MYL4: variants seen among roughly 807,000 people sequenced by gnomAD.
MYL4 encodes the protein atrial myosin light chain 1.
MYL4 carries 16 observed loss-of-function variants against 21.6 expected under a neutral mutation model. That is an observed-to-expected ratio of 0.74 (90% CI 0.50 to 1.12). The LOEUF is 1.12. Ranked by LOEUF, MYL4 falls within the 50% of genes most tolerant of loss-of-function variation. The pLI is 0.00. For synonymous variants in MYL4, 82 were observed against 95.7 expected (o/e 0.86, Z 0.83); for missense variants, 249 against 252.9 (o/e 0.98, Z 0.11).
At chr17:47,193,459 A>G in the MYL4 span, among the ~76,000 whole-genome samples, 1 of 151,874 alleles carries the variant, frequency 6.6e-6, no homozygotes, top group Admixed American at 6.6e-5. Flanking sequence ...GTAGAGACGG[A>G]GTTTCGCCAT....
chr17:47,201,372 G>A (rs2064708966), intron 1 of MYL4, among the ~76,000 whole-genome samples: 2 of 151,802 alleles, frequency 1.3e-5, no homozygotes, highest in African/African-American at 4.8e-5. Context: ...CAGAGGATTG[G>A]GTTAATCATT....
chr17:47,202,711 TTAA>T (rs2064714167), intron 1 of MYL4, among the ~76,000 whole-genome samples: 1 of 150,876 alleles, frequency 6.6e-6, no homozygotes, highest in Non-Finnish European at 1.5e-5. Flanking sequence ...TCTAAATTTA[TTAA>T]TATCAACAAA....
chr17:47,198,083 A>G (rs188043123), upstream of MYL4, among the ~76,000 whole-genome samples: 70 of 152,318 alleles, frequency 4.6e-4, no homozygotes, highest in African/African-American at 1.6e-3. Context: ...GCTGAGGATT[A>G]TGTGCATTGG....
chr17:47,222,030 T>G (rs1020637506), intron 4 of MYL4, among the ~76,000 whole-genome samples, 175 bp downstream of exon 4: 2 of 152,012 alleles, frequency 1.3e-5, no homozygotes, highest in Non-Finnish European at 2.9e-5. Context: ...CCATTCCCAG[T>G]TGGGTTTGCT....
At chr17:47,221,938 G>A in intron 4 of MYL4, 83 bp downstream of exon 4, 1 of 1,469,304 alleles carries the variant, frequency 6.8e-7, no homozygotes, top group Non-Finnish European at 9.2e-7. Context: ...CTGGTTGGGT[G>A]GGGGGTGGTA....
intron 1 of MYL4, among the ~76,000 whole-genome samples, chr17:47,203,229 G>A (rs2064715745): frequency 6.6e-6 from 1 of 152,090 alleles, no homozygotes; most frequent in African/African-American, 2.4e-5. Context: ...GGGAATACTG[G>A]GCTAAAACAT....
the MYL4 span, among the ~76,000 whole-genome samples, chr17:47,191,918 C>G: frequency 6.6e-6 from 1 of 152,172 alleles, no homozygotes; most frequent in African/African-American, 2.4e-5. Context: ...AAATATAGGA[C>G]CTTACCACAG....
the MYL4 span, among the ~76,000 whole-genome samples, chr17:47,191,686 G>A: frequency 3.3e-5 from 5 of 152,128 alleles, no homozygotes; most frequent in African/African-American, 9.7e-5. Flanking sequence ...GGCCAGGCTG[G>A]TCTCAAACTC....
At chr17:47,219,092 G>C (rs1283016102) in intron 2 of MYL4, among the ~76,000 whole-genome samples, 3 of 152,242 alleles carry the variant, frequency 2.0e-5, no homozygotes, top group African/African-American at 7.2e-5. Context: ...GGCCCACAGG[G>C]GTTAATAGTT....
downstream of MYL4, among the ~76,000 whole-genome samples, chr17:47,224,836 G>A (rs2064879314): frequency 6.6e-6 from 1 of 152,118 alleles, no homozygotes; most frequent in Admixed American, 6.6e-5. Context: ...TTCCAGCTCA[G>A]TGCCCTGGAA....
the MYL4 span, among the ~76,000 whole-genome samples, chr17:47,190,993 C>T: frequency 7.2e-5 from 11 of 152,330 alleles, no homozygotes; most frequent in Non-Finnish European, 1.2e-4. Context: ...CTGGGTCCTT[C>T]ATTTCTTCTC....
At chr17:47,215,930 A>T (rs1186396808) in intron 2 of MYL4, among the ~76,000 whole-genome samples, 1 of 152,010 alleles carries the variant, frequency 6.6e-6, no homozygotes, top group South Asian at 2.1e-4. Flanking sequence ...AGCTTGTACT[A>T]CAGGCATGTA....
At chr17:47,210,806 A>T (rs2064768606) in intron 1 of MYL4, among the ~76,000 whole-genome samples, 1 of 152,112 alleles carries the variant, frequency 6.6e-6, no homozygotes, top group African/African-American at 2.4e-5. Flanking sequence ...GGGGAAACTG[A>T]GGCTACTGTA....
At chr17:47,202,644 A>G (rs2064713622) in intron 1 of MYL4, among the ~76,000 whole-genome samples, 1 of 152,244 alleles carries the variant, frequency 6.6e-6, no homozygotes, top group Non-Finnish European at 1.5e-5. Flanking sequence ...CTCTTCTGTC[A>G]ACTCAGTATC....
downstream of MYL4, among the ~76,000 whole-genome samples, chr17:47,225,628 C>A (rs999810163): frequency 5.3e-5 from 8 of 152,206 alleles, no homozygotes; most frequent in African/African-American, 1.7e-4. Context: ...CTAATGTTGA[C>A]AAGGTCCCCT....
chr17:47,192,643 G>A, the MYL4 span, among the ~76,000 whole-genome samples: 1 of 151,076 alleles, frequency 6.6e-6, no homozygotes, highest in East Asian at 1.9e-4. Flanking sequence ...GTGCAAGACT[G>A]TGTCTCAAAA....
At chr17:47,201,105 G>C (rs1416958406) in intron 1 of MYL4, among the ~76,000 whole-genome samples, 1 of 152,220 alleles carries the variant, frequency 6.6e-6, no homozygotes, top group Non-Finnish European at 1.5e-5. Flanking sequence ...TAGGGAGGCA[G>C]AGGTTGCAGT....
upstream of MYL4, among the ~76,000 whole-genome samples, chr17:47,206,987 G>T (rs2064730419): frequency 6.6e-6 from 1 of 152,174 alleles, no homozygotes; most frequent in Non-Finnish European, 1.5e-5. Flanking sequence ...TGTGGGGAAT[G>T]GGGTAGGTCA....
the MYL4 span, among the ~76,000 whole-genome samples, chr17:47,190,749 C>G: frequency 6.6e-6 from 1 of 152,068 alleles, no homozygotes; most frequent in Admixed American, 6.5e-5. Context: ...TTTACACTGG[C>G]CTGGAAAGTA....
Sources: gnomAD v4.1 joint callset for allele counts (sites outside exome capture counted in the v4.1 genomes callset) on GRCh38, gnomAD v4.1.1 for gene constraint, MANE v1.5 for transcripts, NCBI Gene and HGNC (gene_info 2026-07-23, HGNC 2026-07-21) for gene names.